Variants in ACADSB observed in about 807,000 individuals in gnomAD.
ACADSB encodes the protein short/branched chain specific acyl-CoA dehydrogenase, mitochondrial.
In ACADSB, 40 loss-of-function variants were observed where a neutral mutation model predicts 54.1. The observed-to-expected ratio is 0.74, with a 90% CI of 0.57 to 0.96. The LOEUF (loss-of-function observed/expected upper bound fraction) is 0.96. Ranked by LOEUF, ACADSB falls within the 40% of genes least tolerant of loss-of-function variation. The probability of loss-of-function intolerance (pLI) is 0.00; values close to 1 mark genes in which losing one functional copy is unlikely to be tolerated. For missense variants in ACADSB, 530 were observed against 510.4 expected, an observed-to-expected ratio of 1.04 and a Z score of -0.37; for synonymous variants, 182 against 182.8, an observed-to-expected ratio of 1.00 and a Z score of 0.03.
chr10:123,055,898 T>C lies in ACADSB; in HGVS notation c.*2133T>C, dbSNP rs887028545. Reference sequence around the variant, plus strand: ...CAAGGGAAAGATGCTGCCAGTCTCTTTGCTAAAACACAGCAAGAGTCACCT... The same window carrying C: ...CAAGGGAAAGATGCTGCCAGTCTCTCTGCTAAAACACAGCAAGAGTCACCT... On this transcript the variant is annotated 3_prime_UTR_variant, in exon 11 of 11. Coordinates refer to ENST00000358776, the MANE Select transcript of ACADSB (RefSeq NM_001609.4). The C allele has an allele frequency of 6.6e-6, 1 of 152,238 alleles. No homozygotes were observed. The allele number at this position is 152,238 out of a possible 1,614,324, so 9.4% of individuals were successfully genotyped here. A position where few individuals can be genotyped will look rare whatever the true frequency, so the allele number is the denominator to read the frequency against.
At chr10:123,009,454 C>G (rs1849972130) in intron 1 of ACADSB, among the ~76,000 whole-genome samples, 1 of 152,082 alleles carries the variant, frequency 6.6e-6, no homozygotes, top group South Asian at 2.1e-4. Flanking sequence ...GCACCTTTCC[C>G]GAGTGATTAC....
intron 7 of ACADSB, among the ~76,000 whole-genome samples, chr10:123,045,363 G>A (rs1025218952): frequency 6.5e-4 from 97 of 149,960 alleles, no homozygotes; most frequent in Admixed American, 1.3e-3. Context: ...TGTATTTTTA[G>A]TAGAGATGAG....
At chr10:123,010,459 C>T (rs948957322) in intron 1 of ACADSB, among the ~76,000 whole-genome samples, 1 of 152,176 alleles carries the variant, frequency 6.6e-6, no homozygotes, top group African/African-American at 2.4e-5. Flanking sequence ...AGCTCTTTTA[C>T]ATAAATTAGC....
Position 123,034,336 on chromosome 10 carries a change from T to C in ACADSB, c.43-20T>C, listed in dbSNP as rs367770384. The C allele has an allele frequency of 4.7e-5, 76 of 1,611,298 alleles. No individual in the cohort carries two copies. The highest frequency in any genetic ancestry group is 6.5e-5 in the Non-Finnish European group (76 of 1,178,234). On this transcript the variant is annotated intron_variant, in intron 1 of 10. Coordinates refer to ENST00000358776, the MANE Select transcript of ACADSB (RefSeq NM_001609.4). ...ATGATATTCAAGTACCTTTCTTTCA[T>C]GTGTGTATGTTCCCTACAGCTAAGA...
chr10:123,023,583 G>C (rs1850211129), intron 1 of ACADSB, among the ~76,000 whole-genome samples: 1 of 152,126 alleles, frequency 6.6e-6, no homozygotes, highest in Non-Finnish European at 1.5e-5. Context: ...TGCCCCAATA[G>C]ATAATCCAAT....
At chr10:123,041,971 T>C (rs1035661420) in intron 5 of ACADSB, among the ~76,000 whole-genome samples, 8 of 150,280 alleles carry the variant, frequency 5.3e-5, no homozygotes, top group African/African-American at 1.2e-4. Flanking sequence ...CTTTTCTTTT[T>C]TTTTTTTTTT....
chr10:123,027,559 C>T (rs1336745937), intron 1 of ACADSB: 1 of 455,286 alleles, frequency 2.2e-6, no homozygotes, highest in East Asian at 7.0e-5. Context: ...TGCCTCCTGC[C>T]ATGGTTCAGA....
Position 123,053,158 on chromosome 10 carries a change from T to C in ACADSB, c.1226T>C (p.Ile409Thr). 1.3e-6 allele frequency: 2 copies of C among 1,565,260 alleles called. No individual in the cohort carries two copies. The highest frequency in any genetic ancestry group is 1.7e-6 in the Non-Finnish European group (2 of 1,162,128). ...GAGAAATACTTCCGAGATGCAAAGA[T>C]TGGTAAATAGATTTTTTTTTTTTAC... The part of the protein sequence containing the change: ...PVEKYFRDAK[I>T]GTIYEGASNI... The change falls in exon 10 of 11, where the codon ATT becomes ACT. Residue 409 changes from isoleucine (I) to threonine (T), a missense_variant and splice_region_variant. By Grantham distance (89) the Ile-to-Thr change is moderately conservative. Transcript: ENST00000358776.
At chr10:123,039,600 G>A (rs1306630959) in intron 3 of ACADSB, among the ~76,000 whole-genome samples, 1 of 152,198 alleles carries the variant, frequency 6.6e-6, no homozygotes. Flanking sequence ...AACTTATGAA[G>A]TGGCGTAAAA....
rs745545519 is a variant in ACADSB, at chr10:123,056,273, G to A, written c.*2508G>A. 2 of 222,724 alleles carry A rather than the reference G, an allele frequency of 9.0e-6. No homozygotes were observed. The highest frequency in any genetic ancestry group is 1.3e-4 in the South Asian group (2 of 15,224). The allele number at this position is 222,724 out of a possible 1,614,324, so 13.8% of individuals were successfully genotyped here. On this transcript the variant is annotated 3_prime_UTR_variant, in exon 11 of 11. Coordinates refer to ENST00000358776, the MANE Select transcript of ACADSB (RefSeq NM_001609.4). The stretch of plus-strand genomic sequence containing the variant: ...TTGGACTTACAGTTCCACATGGCCG[G>A]GGAGGCCTCAGAATCATGGCGGGAG...
At chr10:123,027,323 A>C (rs1347877892) in intron 1 of ACADSB, among the ~76,000 whole-genome samples, 1 of 152,122 alleles carries the variant, frequency 6.6e-6, no homozygotes, top group Non-Finnish European at 1.5e-5. Context: ...TATGCAGCTG[A>C]TATGATTTGG....
intron 7 of ACADSB, among the ~76,000 whole-genome samples, chr10:123,045,097 C>A (rs1850534091): frequency 8.9e-6 from 1 of 112,262 alleles, no homozygotes; most frequent in Non-Finnish European, 1.7e-5. Context: ...TGAATAAGGT[C>A]TTTGGCTTTA....
At chr10:123,025,665 G>T (rs1160844736) in intron 1 of ACADSB, among the ~76,000 whole-genome samples, 1 of 151,984 alleles carries the variant, frequency 6.6e-6, no homozygotes, top group African/African-American at 2.4e-5. Context: ...ATAGAAAAAT[G>T]GGCAAAGAAC....
chr10:123,031,261 C>A (rs1164597043), intron 1 of ACADSB, among the ~76,000 whole-genome samples: 1 of 152,222 alleles, frequency 6.6e-6, no homozygotes, highest in Admixed American at 6.5e-5. Flanking sequence ...ATTTTACCCA[C>A]ATCCAAGTTC....
At chr10:123,027,228 G>A (rs890595769) in intron 1 of ACADSB, among the ~76,000 whole-genome samples, 1 of 152,174 alleles carries the variant, frequency 6.6e-6, no homozygotes, top group Non-Finnish European at 1.5e-5. Context: ...CAGTAAGGAT[G>A]CCCAGGGCAG....
rs151067341 is a variant in ACADSB at position 123,036,817 on chromosome 10, T to C, written c.203-930T>C. Reference sequence around the variant, plus strand: ...CTGTACCATGAAGGACAAAGTGCAGTTGGCCAGCTGGACAAGGGAAGGGAA... The same window carrying C: ...CTGTACCATGAAGGACAAAGTGCAGCTGGCCAGCTGGACAAGGGAAGGGAA... On this transcript the variant is annotated intron_variant, in intron 2 of 10. Transcript: ENST00000358776. 3.0e-4 allele frequency among the ~76,000 whole-genome samples: 46 copies of C among 152,188 alleles called. No individual in the cohort carries two copies. The East Asian group carries it at 7.5e-3, about 25-fold the overall frequency.
At chr10:123,033,821 A>C (rs1850359989) in intron 1 of ACADSB, among the ~76,000 whole-genome samples, 1 of 152,048 alleles carries the variant, frequency 6.6e-6, no homozygotes, top group Non-Finnish European at 1.5e-5. Context: ...TATTTTCTTA[A>C]TTTTTATGCT....
chr10:123,012,778 G>A (rs1053886072), intron 1 of ACADSB, among the ~76,000 whole-genome samples: 3 of 152,144 alleles, frequency 2.0e-5, no homozygotes, highest in Non-Finnish European at 4.4e-5. Context: ...ATTGAGCAGC[G>A]GCAAGATTTA....
chr10:123,041,448 C>A (rs1850472302), intron 5 of ACADSB, 69 bp downstream of exon 5: 1 of 1,517,402 alleles, frequency 6.6e-7, no homozygotes, highest in Admixed American at 1.7e-5. Flanking sequence ...TCTTTTCCTC[C>A]TTCTGTTTCC....
Sources: gnomAD v4.1 joint callset for allele counts (sites outside exome capture counted in the v4.1 genomes callset) on GRCh38, gnomAD v4.1.1 for gene constraint, MANE v1.5 for transcripts, NCBI Gene and HGNC (gene_info 2026-07-23, HGNC 2026-07-21) for gene names.